The following HNRNPM variants were observed in gnomAD, a reference collection of about 807,000 sequenced individuals.
HNRNPM encodes heterogeneous nuclear ribonucleoprotein M.
HNRNPM carries 11 observed loss-of-function variants against 73.1 expected under a neutral mutation model. That is an observed-to-expected ratio of 0.15 (90% CI 0.09 to 0.25). HNRNPM has a LOEUF of 0.25. HNRNPM is among the 10% of genes least tolerant of loss of function. The pLI is 1.00. For missense variants in HNRNPM, 789 were observed against 1,067.9 expected (o/e 0.74, Z 3.64); for synonymous variants, 407 against 355.2 (o/e 1.15, Z -1.64).
chr19:8,449,192 G>A (rs1568256337), intron 1 of HNRNPM, among the ~76,000 whole-genome samples: 1 of 152,200 alleles, frequency 6.6e-6, no homozygotes, highest in African/African-American at 2.4e-5. Context: ...TTATTTGAAT[G>A]CATGCTGCCA....
In HNRNPM at chr19:8,486,020, G is replaced by T; in HGVS notation, c.1592G>T (p.Arg531Leu). Reference sequence around the variant, plus strand: ...GAGCGCATGGGCCTGAGCATGGAGCGCATGGTGCCCGCAGGTATGGGAGCT... The same window carrying T: ...GAGCGCATGGGCCTGAGCATGGAGCTCATGGTGCCCGCAGGTATGGGAGCT... ...AIERMGLSME[R>L]MVPAGMGAGL... is the part of the protein sequence containing the mutation. Residue 531 changes from arginine to leucine, a missense_variant, in exon 14 of 16, where the codon CGC (arginine) becomes CTC (leucine). By Grantham distance (102) the Arg-to-Leu change is moderately radical. Transcript: ENST00000325495. 1 of 1,606,872 alleles carries T rather than the reference G, an allele frequency of 6.2e-7. No homozygotes were observed.
intron 12 of HNRNPM, among the ~76,000 whole-genome samples, chr19:8,478,722 A>C (rs8113459): frequency 0.04 from 6,109 of 152,256 alleles, 274 homozygotes; most frequent in African/African-American, 0.11. Context: ...AAAAATTGGC[A>C]TAAGGTTGTG....
intron 1 of HNRNPM, among the ~76,000 whole-genome samples, chr19:8,446,571 C>T (rs560231815): frequency 2.0e-5 from 3 of 152,154 alleles, no homozygotes; most frequent in Admixed American, 6.6e-5. Context: ...CCACCATGCC[C>T]GGCTAATTTT....
intron 3 of HNRNPM, 127 bp from the exon 4 acceptor site, chr19:8,463,370 A>T: frequency 9.0e-7 from 1 of 1,116,026 alleles, no homozygotes; most frequent in Non-Finnish European, 1.3e-6. Flanking sequence ...GGTTCATTTT[A>T]AAAGACTAAC....
chr19:8,453,271 G>A (rs1237760959), intron 1 of HNRNPM, among the ~76,000 whole-genome samples: 1 of 152,134 alleles, frequency 6.6e-6, no homozygotes, highest in Non-Finnish European at 1.5e-5. Context: ...CCTCCTGAGA[G>A]GTGGGATTGC....
chr19:8,450,711 A>T (rs984282845), intron 1 of HNRNPM, among the ~76,000 whole-genome samples: 2 of 124,710 alleles, frequency 1.6e-5, no homozygotes, highest in Non-Finnish European at 3.5e-5. Context: ...TAATTTAATT[A>T]ATTATTATTA....
intron 12 of HNRNPM, 76 bp downstream of exon 12, chr19:8,474,320 G>T: frequency 1.1e-6 from 1 of 929,690 alleles, no homozygotes; most frequent in South Asian, 2.0e-5. Flanking sequence ...TTAGGCTGCA[G>T]ACCCACTGAA....
intron 12 of HNRNPM, among the ~76,000 whole-genome samples, chr19:8,482,387 A>G (rs1970984455): frequency 6.6e-6 from 1 of 152,206 alleles, no homozygotes; most frequent in Non-Finnish European, 1.5e-5. Flanking sequence ...ATAGCAAAAG[A>G]TGGACCAGAA....
chr19:8,457,945 C>G (rs1010881570), intron 2 of HNRNPM, among the ~76,000 whole-genome samples: 1 of 152,180 alleles, frequency 6.6e-6, no homozygotes, highest in African/African-American at 2.4e-5. Flanking sequence ...CCTAAGCACT[C>G]TTTATCAGTC....
chr19:8,455,745 G>GTTTTTTTTT (rs34467960), intron 2 of HNRNPM, among the ~76,000 whole-genome samples, 171 bp downstream of exon 2: 1 of 144,116 alleles, frequency 6.9e-6, no homozygotes, highest in African/African-American at 2.6e-5. Flanking sequence ...TTTGTTTTGT[G>GTTTTTTTTT]TTTTTTTTTT....
In HNRNPM at chr19:8,463,634, C is replaced by T. The variant is rs371272072; in HGVS notation, c.386C>T (p.Ala129Val). ...FKMEESMKKAAEVLNKHSLSG... is the reference protein window; with the variant it reads ...FKMEESMKKAVEVLNKHSLSG... ...ATGGAAGAGAGCATGAAAAAAGCTG[C>T]GGAAGTCCTAAACAAGCATAGTCTG... is the stretch of plus-strand genomic sequence containing the variant. Residue 129 changes from alanine (A) to valine (V), a missense_variant, in exon 5 of 16, where the codon GCG becomes GTG. Transcript: ENST00000325495. 47 of 1,613,790 alleles carry T rather than the reference C, an allele frequency of 2.9e-5. No homozygotes were observed. The highest frequency in any genetic ancestry group is 9.3e-5 in the African/African-American group (7 of 74,884).
In HNRNPM at chr19:8,471,362, G is replaced by A; in HGVS notation, c.932G>A (p.Gly311Glu). Residue 311 changes from glycine to glutamate, a missense_variant, in exon 10 of 16, where the codon GGA becomes GAA. This residue lies in a region of HNRNPM where 604 missense variants were observed against 744.0 expected (regional missense o/e 0.81). Coordinates refer to ENST00000325495, the MANE Select transcript of HNRNPM (RefSeq NM_005968.5). ...GGTATTGGCATGGGGTTAGGACCAG[G>A]AGGGCAACCCATTGATGCCAATCAC... ...LGGIGMGLGP[G>E]GQPIDANHLN... 6.2e-7 allele frequency: 1 copy of A among 1,607,298 alleles called. No individual in the cohort carries two copies. Among genetic ancestry groups the A allele is most frequent in the Non-Finnish European group, 8.5e-7 (1 of 1,176,980 alleles).
intron 2 of HNRNPM, chr19:8,461,838 C>G (rs1045418813): frequency 5.3e-5 from 8 of 152,292 alleles, no homozygotes; most frequent in African/African-American, 1.9e-4. Flanking sequence ...TTCAAACATT[C>G]TGCCTCTACA....
Position 8,483,043 on chromosome 19 carries a change from T to A in HNRNPM, c.1121-115T>A. 3 of 678,046 alleles carry A rather than the reference T, an allele frequency of 4.4e-6. No individual in the cohort carries two copies. The South Asian group carries it at 5.5e-5, about 12-fold the overall frequency. 42.0% of individuals were successfully genotyped at this position (678,046 alleles called of 1,614,324 possible). ...TGTGCGTGTGTTTCTCAAACCCCTT[T>A]CCCTTTATCTTGTCATTTTTATTAG... On this transcript the variant is annotated intron_variant, in intron 12 of 15. Transcript: ENST00000325495.
chr19:8,446,345 C>T (rs1233369093), intron 1 of HNRNPM, among the ~76,000 whole-genome samples: 1 of 152,170 alleles, frequency 6.6e-6, no homozygotes, highest in African/African-American at 2.4e-5. Context: ...CTTTGCCTTC[C>T]TCATATTGTA....
intron 7 of HNRNPM, 40 bp downstream of exon 7, chr19:8,466,428 C>T: frequency 1.2e-6 from 2 of 1,603,172 alleles, no homozygotes; most frequent in Non-Finnish European, 8.5e-7. Context: ...ACAGTTTGAC[C>T]TAAATTGCTG....
At chr19:8,448,784 C>A (rs187583741) in intron 1 of HNRNPM, among the ~76,000 whole-genome samples, 1 of 152,014 alleles carries the variant, frequency 6.6e-6, no homozygotes, top group Non-Finnish European at 1.5e-5. Flanking sequence ...CACCTGGCCC[C>A]TTCCTGAGTA....
rs550189842 is a variant in HNRNPM, at chr19:8,478,339, G to C, written c.1120+4095G>C. On this transcript the variant is annotated intron_variant, in intron 12 of 15. Transcript: ENST00000325495. ...TGTGTATACATTTTGTTTTGTTTTT[G>C]ATGTCTCAGACACAGTGGTATTCCT... 2.0e-5 allele frequency among the ~76,000 whole-genome samples: 3 copies of C among 152,274 alleles called. No individual in the cohort carries two copies. The East Asian group carries it at 5.8e-4, about 29-fold the overall frequency.
rs146345499 is a variant in HNRNPM, at chr19:8,463,893, G to A, written c.438+207G>A. The stretch of plus-strand genomic sequence containing the variant: ...GTGGCCAAGCAGATCCTGAGTGGCT[G>A]CTGACCACCTTCTAATATCTGTGAT... On this transcript the variant is annotated intron_variant, in intron 5 of 15. Coordinates refer to ENST00000325495, the MANE Select transcript of HNRNPM (RefSeq NM_005968.5). The A allele has an allele frequency of 5.7e-3, 3,088 of 540,946 alleles. 17 individuals are homozygous for A. Among genetic ancestry groups the A allele is most frequent in the Middle Eastern group, 9.5e-3 (19 of 2,008 alleles). The allele number at this position is 540,946 out of a possible 1,614,324, so 33.5% of individuals were successfully genotyped here.
Sources: allele counts gnomAD v4.1 joint callset (sites outside exome capture counted in the v4.1 genomes callset), GRCh38; gene constraint gnomAD v4.1.1; regional missense constraint gnomAD v4.1.1; transcripts MANE v1.5; gene names NCBI Gene and HGNC (gene_info 2026-07-23, HGNC 2026-07-21).